The following GRIN2A variants were observed in gnomAD, a reference collection of about 807,000 sequenced individuals.
GRIN2A encodes glutamate receptor ionotropic, NMDA 2A.
In GRIN2A, 22 loss-of-function variants were observed where a neutral mutation model predicts 113.4. The ratio of observed to expected loss-of-function variants is 0.19; its 90% CI spans 0.14 to 0.28. The LOEUF (loss-of-function observed/expected upper bound fraction) is 0.28. Among genes scored for constraint, GRIN2A ranks in the 10% least tolerant of loss-of-function variants. The pLI is 1.00. For synonymous variants in GRIN2A, 827 were observed against 738.4 expected (o/e 1.12, Z -1.94); for missense variants, 1,502 against 1,887.0 (o/e 0.80, Z 3.78).
chr16:10,040,217 C>A (rs899661495), intron 2 of GRIN2A, among the ~76,000 whole-genome samples: 6 of 143,684 alleles, frequency 4.2e-5, no homozygotes, highest in Admixed American at 2.1e-4. Flanking sequence ...CCACATCATG[C>A]AAATACACTA....
chr16:9,764,123 G>A lies in GRIN2A; in HGVS notation c.3421C>T (p.Leu1141=), dbSNP rs2141132432. 1 of 1,613,812 alleles carries A rather than the reference G, an allele frequency of 6.2e-7. No individual in the cohort carries two copies. The part of the protein sequence containing the change: ...DPPQFVENVT[L]PENVDFPDPY... Reference sequence around the variant, plus strand: ...TCCGGGAAGTCCACGTTCTCGGGCAGGGTCACATTTTCAACAAACTGGGGT... The same window carrying A: ...TCCGGGAAGTCCACGTTCTCGGGCAAGGTCACATTTTCAACAAACTGGGGT... Residue 1141 remains leucine (L), a synonymous_variant, in exon 13 of 13, where the codon CTG becomes TTG. Coordinates refer to ENST00000330684, the MANE Select transcript of GRIN2A (RefSeq NM_001134407.3).
chr16:9,787,626 G>A (rs1363551501), intron 11 of GRIN2A, among the ~76,000 whole-genome samples: 1 of 152,204 alleles, frequency 6.6e-6, no homozygotes. Context: ...ATTTTACAGA[G>A]TTTGGCTCTC....
intron 2 of GRIN2A, among the ~76,000 whole-genome samples, chr16:10,123,275 G>C (rs2048867878): frequency 1.3e-5 from 2 of 152,156 alleles, no homozygotes; most frequent in Admixed American, 6.5e-5. Flanking sequence ...CCTGGCTCGG[G>C]GCTCCCTGCG....
chr16:10,104,422 A>C (rs2048455441), intron 2 of GRIN2A, among the ~76,000 whole-genome samples: 1 of 152,186 alleles, frequency 6.6e-6, no homozygotes, highest in South Asian at 2.1e-4. Flanking sequence ...ACCAGTTTGA[A>C]GAAAGAATAT....
chr16:9,980,991 T>C (rs1246027191), intron 2 of GRIN2A, among the ~76,000 whole-genome samples: 1 of 124,116 alleles, frequency 8.1e-6, no homozygotes, highest in Non-Finnish European at 1.7e-5. Context: ...AGTATAATAA[T>C]AAAAAATAAA....
intron 2 of GRIN2A, among the ~76,000 whole-genome samples, chr16:10,023,370 G>C (rs2046760376): frequency 6.6e-6 from 1 of 152,152 alleles, no homozygotes; most frequent in South Asian, 2.1e-4. Context: ...GTATATATGT[G>C]GGTACATTCA....
At chr16:10,091,801 T>C (rs2048189501) in intron 2 of GRIN2A, among the ~76,000 whole-genome samples, 1 of 152,162 alleles carries the variant, frequency 6.6e-6, no homozygotes, top group Non-Finnish European at 1.5e-5. Context: ...CCATTTACAT[T>C]AAATTTCCAG....
chr16:10,059,584 C>CA (rs1195079686), intron 2 of GRIN2A, among the ~76,000 whole-genome samples: 12 of 151,918 alleles, frequency 7.9e-5, no homozygotes, highest in Non-Finnish European at 1.8e-4. Flanking sequence ...AGTTCAGAAG[C>CA]AAATAATAAC....
chr16:10,042,147 A>G (rs1445136196), intron 2 of GRIN2A, among the ~76,000 whole-genome samples: 1 of 152,156 alleles, frequency 6.6e-6, no homozygotes, highest in African/African-American at 2.4e-5. Context: ...CTGTTGTACC[A>G]CACATAAGGT....
At chr16:9,977,170 T>G (rs111740140) in intron 2 of GRIN2A, among the ~76,000 whole-genome samples, 1 of 152,040 alleles carries the variant, frequency 6.6e-6, no homozygotes, top group African/African-American at 2.4e-5. Context: ...CACATGCCTG[T>G]AATCCCAGCT....
At chr16:9,846,291 A>G (rs1350297455) in intron 5 of GRIN2A, among the ~76,000 whole-genome samples, 1 of 152,172 alleles carries the variant, frequency 6.6e-6, no homozygotes, top group African/African-American at 2.4e-5. Context: ...GGGACACTGG[A>G]GAAAGCAAGG....
chr16:10,039,647 AC>A (rs1435036006), intron 2 of GRIN2A, among the ~76,000 whole-genome samples: 1 of 151,302 alleles, frequency 6.6e-6, no homozygotes, highest in Admixed American at 6.6e-5. Flanking sequence ...GAGGGTCCGC[AC>A]CCGGGAGCGG....
chr16:9,955,278 T>C (rs1018611796), intron 2 of GRIN2A, among the ~76,000 whole-genome samples: 3 of 152,322 alleles, frequency 2.0e-5, no homozygotes, highest in East Asian at 3.9e-4. Flanking sequence ...CTGGATGCAA[T>C]GACCTCTCGG....
At chr16:10,036,025 G>A (rs1478967614) in intron 2 of GRIN2A, among the ~76,000 whole-genome samples, 2 of 152,058 alleles carry the variant, frequency 1.3e-5, no homozygotes, top group Non-Finnish European at 2.9e-5. Flanking sequence ...TGCCCAGCAC[G>A]ATTAATGGAT....
chr16:10,025,703 C>T (rs767213085), intron 2 of GRIN2A, among the ~76,000 whole-genome samples: 1 of 152,154 alleles, frequency 6.6e-6, no homozygotes, highest in Non-Finnish European at 1.5e-5. Flanking sequence ...AATAAAGACA[C>T]CAGAGCGGGG....
At chr16:9,857,526 T>C (rs767638793) in intron 4 of GRIN2A, among the ~76,000 whole-genome samples, 18 of 152,116 alleles carry the variant, frequency 1.2e-4, no homozygotes, top group Non-Finnish European at 2.2e-4. Context: ...AGACACAGAG[T>C]AGCAAAGTTG....
intron 2 of GRIN2A, among the ~76,000 whole-genome samples, chr16:10,031,927 T>A (rs549396854): frequency 1.3e-5 from 2 of 152,370 alleles, no homozygotes; most frequent in Admixed American, 1.3e-4. Context: ...CTCTTTCCAC[T>A]TCCTGCAATG....
At chr16:9,902,955 T>C (rs1457564987) in intron 3 of GRIN2A, among the ~76,000 whole-genome samples, 1 of 70,932 alleles carries the variant, frequency 1.4e-5, no homozygotes, top group Non-Finnish European at 2.8e-5. Flanking sequence ...TTTTTTTTTT[T>C]TTTTGGCGGG....
intron 2 of GRIN2A, among the ~76,000 whole-genome samples, chr16:10,150,214 G>C (rs1377034086): frequency 6.6e-6 from 1 of 152,220 alleles, no homozygotes; most frequent in Non-Finnish European, 1.5e-5. Flanking sequence ...AGTATGTAAA[G>C]AGGCAGCTTT....
Sources: gnomAD v4.1 joint callset for allele counts (sites outside exome capture counted in the v4.1 genomes callset) on GRCh38, gnomAD v4.1.1 for gene constraint, MANE v1.5 for transcripts, NCBI Gene and HGNC (gene_info 2026-07-23, HGNC 2026-07-21) for gene names.